The following STXBP4 variants were observed in gnomAD, a reference collection of about 807,000 sequenced individuals.
STXBP4 encodes the protein syntaxin-binding protein 4.
STXBP4 carries 55 observed loss-of-function variants against 76.1 expected under a neutral mutation model. The observed-to-expected ratio is 0.72, with a 90% CI of 0.58 to 0.91. The LOEUF (loss-of-function observed/expected upper bound fraction) is 0.91, where lower values mean the gene tolerates loss of function less well. STXBP4 is among the 40% of genes least tolerant of loss of function. The pLI is 0.00. For missense variants in STXBP4, 618 were observed against 636.9 expected (o/e 0.97, Z 0.32); for synonymous variants, 201 against 220.2 (o/e 0.91, Z 0.77).
At chr17:55,189,755 G>A in the STXBP4 span, among the ~76,000 whole-genome samples, 8 of 152,282 alleles carry the variant, frequency 5.3e-5, no homozygotes, top group East Asian at 7.7e-4. Flanking sequence ...GATGCTAGAC[G>A]AAAAATATGA....
chr17:55,163,236 T>G lies in STXBP4; in HGVS notation c.*3325T>G, dbSNP rs2080353359. 2 of 144,592 alleles carry G rather than the reference T, an allele frequency of 1.4e-5. No homozygotes were observed. Among genetic ancestry groups the G allele is most frequent in the Non-Finnish European group, 3.0e-5 (2 of 67,288 alleles). 9.0% of individuals were successfully genotyped at this position (144,592 alleles called of 1,614,324 possible). A position where few individuals can be genotyped will look rare whatever the true frequency, so the allele number is the denominator to read the frequency against. The stretch of plus-strand genomic sequence containing the variant: ...TTTCTGGGTTTTTTTTTTTTTTTTG[T>G]CCTTGGAAGAATAACCTTCCTTCCA... On this transcript the variant is annotated 3_prime_UTR_variant, in exon 18 of 18. Transcript: ENST00000376352.
intron 1 of STXBP4, among the ~76,000 whole-genome samples, chr17:54,978,270 A>C (rs1173103124): frequency 6.6e-6 from 1 of 152,202 alleles, no homozygotes; most frequent in African/African-American, 2.4e-5. Context: ...GTGGCTGCTC[A>C]AAGTCATATG....
At chr17:55,037,910 A>G (rs2078631974) in intron 10 of STXBP4, among the ~76,000 whole-genome samples, 1 of 152,220 alleles carries the variant, frequency 6.6e-6, no homozygotes, top group Non-Finnish European at 1.5e-5. Context: ...CAAATAAAAA[A>G]TAACTGATTG....
chr17:55,202,772 T>C, the STXBP4 span, among the ~76,000 whole-genome samples: 1 of 152,146 alleles, frequency 6.6e-6, no homozygotes, highest in Non-Finnish European at 1.5e-5. Flanking sequence ...ATTCCATTGG[T>C]GATGGAAATT....
intron 16 of STXBP4, among the ~76,000 whole-genome samples, chr17:55,140,173 T>C (rs2080079244): frequency 6.6e-6 from 1 of 152,040 alleles, no homozygotes; most frequent in Admixed American, 6.6e-5. Context: ...TCAGGAATGG[T>C]GGCACGTACC....
At chr17:55,093,935 A>G (rs2079449346) in intron 16 of STXBP4, among the ~76,000 whole-genome samples, 1 of 152,168 alleles carries the variant, frequency 6.6e-6, no homozygotes, top group Admixed American at 6.5e-5. Flanking sequence ...ATAAATAGAA[A>G]ACGTAATTGT....
intron 1 of STXBP4, among the ~76,000 whole-genome samples, chr17:54,981,084 A>C (rs1000533891): frequency 4.6e-5 from 7 of 152,198 alleles, no homozygotes; most frequent in African/African-American, 1.7e-4. Context: ...AGAAGTTCAC[A>C]AAAGAAGATT....
chr17:55,187,548 G>A, the STXBP4 span, among the ~76,000 whole-genome samples: 1 of 152,166 alleles, frequency 6.6e-6, no homozygotes, highest in African/African-American at 2.4e-5. Context: ...AGAGATGGAT[G>A]ATATAGCATC....
At chr17:54,990,090 G>A (rs1424853569) in intron 3 of STXBP4, among the ~76,000 whole-genome samples, 1 of 152,128 alleles carries the variant, frequency 6.6e-6, no homozygotes, top group Non-Finnish European at 1.5e-5. Context: ...CATTATCATT[G>A]TAAATTCTTT....
rs1348590368 is a variant in STXBP4, at chr17:55,034,229, A to G, written c.825A>G (p.Ala275=). 6.2e-7 allele frequency: 1 copy of G among 1,612,114 alleles called. No homozygotes were observed. The highest frequency in any genetic ancestry group is 8.5e-7 in the Non-Finnish European group (1 of 1,178,842). Residue 275 remains alanine, a synonymous_variant, in exon 10 of 18, where the codon GCA becomes GCG. Transcript: ENST00000376352. ...CLQLDEVNVG[A]HEISNILDSQ... ...AGTTGGATGAAGTAAATGTTGGTGC[A>G]CATGAAATTTCCAATATATTAGATT... is the stretch of plus-strand genomic sequence containing the variant.
the STXBP4 span, among the ~76,000 whole-genome samples, chr17:55,182,260 T>C: frequency 3.3e-5 from 5 of 152,114 alleles, no homozygotes; most frequent in Admixed American, 1.3e-4. Flanking sequence ...ATTCGAGATT[T>C]TGGCAGATAA....
chr17:55,164,813 T>C lies in STXBP4; in HGVS notation c.*4902T>C, dbSNP rs2080368245. ...TTGTTTTGTTTGTTATCTTCCTCAA[T>C]AGTGGGAGTAATAATGGGAGTCAGC... On this transcript the variant is annotated 3_prime_UTR_variant, in exon 18 of 18. Transcript: ENST00000376352. 6.6e-6 allele frequency: 1 copy of C among 152,374 alleles called. No individual in the cohort carries two copies. Among genetic ancestry groups the C allele is most frequent in the African/African-American group, 2.4e-5 (1 of 41,418 alleles). 9.4% of individuals were successfully genotyped at this position (152,374 alleles called of 1,614,324 possible). A position where few individuals can be genotyped will look rare whatever the true frequency, so the allele number is the denominator to read the frequency against.
At chr17:55,057,494 C>T (rs879754343) in intron 12 of STXBP4, among the ~76,000 whole-genome samples, 18 of 152,156 alleles carry the variant, frequency 1.2e-4, no homozygotes, top group Non-Finnish European at 2.1e-4. Context: ...AATAAAGCAG[C>T]CTCTTTCTTC....
the STXBP4 span, among the ~76,000 whole-genome samples, chr17:55,204,813 A>AACACACACACAC: frequency 2.7e-5 from 2 of 73,096 alleles, no homozygotes; most frequent in Admixed American, 3.8e-4. Flanking sequence ...TTCAAGATTA[A>AACACACACACAC]ACACACACAC....
At chr17:55,075,622 G>C (rs1434986823) in intron 13 of STXBP4, among the ~76,000 whole-genome samples, 1 of 152,112 alleles carries the variant, frequency 6.6e-6, no homozygotes, top group Non-Finnish European at 1.5e-5. Flanking sequence ...GAACTAATTT[G>C]TACTCCCACC....
intron 4 of STXBP4, among the ~76,000 whole-genome samples, chr17:54,995,039 T>C (rs1390337161): frequency 1.3e-5 from 2 of 152,190 alleles, no homozygotes; most frequent in African/African-American, 2.4e-5. Context: ...ATATTTATGA[T>C]TGTTTAATCA....
At chr17:54,988,527 A>G (rs1745058581) in intron 3 of STXBP4, among the ~76,000 whole-genome samples, 1 of 152,150 alleles carries the variant, frequency 6.6e-6, no homozygotes, top group African/African-American at 2.4e-5. Flanking sequence ...TAATCTCAGC[A>G]CTTTGGGAGG....
chr17:55,188,917 C>G, the STXBP4 span, among the ~76,000 whole-genome samples: 1 of 152,156 alleles, frequency 6.6e-6, no homozygotes, highest in African/African-American at 2.4e-5. Flanking sequence ...TCTTACTGTA[C>G]CCAGACATTA....
intron 16 of STXBP4, among the ~76,000 whole-genome samples, chr17:55,095,575 C>T (rs2079474587): frequency 6.6e-6 from 1 of 152,122 alleles, no homozygotes; most frequent in African/African-American, 2.4e-5. Context: ...CAATTCAGAT[C>T]CAGAAGTTCA....
Sources: allele counts gnomAD v4.1 joint callset (sites outside exome capture counted in the v4.1 genomes callset), GRCh38; gene constraint gnomAD v4.1.1; transcripts MANE v1.5; gene names NCBI Gene and HGNC (gene_info 2026-07-23, HGNC 2026-07-21).